Variants in LIPC observed in about 807,000 individuals in gnomAD.
The protein encoded by LIPC is lipase C, hepatic type.
Under a neutral mutation model 50.7 loss-of-function variants are expected in LIPC, and 44 were observed. The observed-to-expected ratio is 0.87, with a 90% CI of 0.68 to 1.11. The LOEUF (loss-of-function observed/expected upper bound fraction) is 1.11. Among genes scored for constraint, LIPC ranks in the 50% most tolerant of loss-of-function variants. The pLI, the probability that LIPC is intolerant of heterozygous loss-of-function variation, is 0.00. For synonymous variants in LIPC, 271 were observed against 256.4 expected (o/e 1.06, Z -0.54); for missense variants, 697 against 648.2 (o/e 1.08, Z -0.82).
At chr15:58,443,181 G>A (rs529258384) in intron 1 of LIPC, among the ~76,000 whole-genome samples, 15 of 152,236 alleles carry the variant, frequency 9.9e-5, no homozygotes, top group Admixed American at 7.2e-4. Context: ...CAAAGTGCTG[G>A]GATTACAGGC....
Position 58,545,910 on chromosome 15 carries a change from G to T in LIPC, c.743G>T (p.Gly248Val), listed in dbSNP as rs774643284. ...CACTATGACTTCTATCCCAACGGGG[G>T]CTCCTTCCAGCCTGGCTGCCACTTC... Reference protein sequence around the residue: ...IGHYDFYPNGGSFQPGCHFLE... With the variant: ...IGHYDFYPNGVSFQPGCHFLE... Residue 248 changes from glycine to valine, a missense_variant, in exon 5 of 9, where the codon GGC (glycine) becomes GTC (valine). By Grantham distance (109) the Gly-to-Val change is moderately radical (BLOSUM62 -3). Transcript: ENST00000299022. The T allele has an allele frequency of 5.0e-6, 8 of 1,614,184 alleles. No individual in the cohort carries two copies. The East Asian group carries it at 6.7e-5, about 13-fold the overall frequency.
At chr15:58,560,770 T>C in intron 6 of LIPC, 94 bp from the exon 7 acceptor site, 1 of 701,488 alleles carries the variant, frequency 1.4e-6, no homozygotes, top group Non-Finnish European at 2.6e-6. Context: ...AACTCTTCCC[T>C]CTGCATGTTT....
chr15:58,501,849 G>A (rs535539216), intron 1 of LIPC, among the ~76,000 whole-genome samples: 1 of 152,222 alleles, frequency 6.6e-6, no homozygotes, highest in East Asian at 1.9e-4. Flanking sequence ...TGGAGCCTCT[G>A]CCTCTCCACC....
chr15:58,495,766 T>C (rs1891743155), intron 1 of LIPC, among the ~76,000 whole-genome samples: 1 of 152,214 alleles, frequency 6.6e-6, no homozygotes, highest in Non-Finnish European at 1.5e-5. Context: ...AATGTAAATT[T>C]CTTAATCACA....
chr15:58,490,842 G>T (rs767498665), intron 1 of LIPC, among the ~76,000 whole-genome samples: 14 of 152,118 alleles, frequency 9.2e-5, no homozygotes, highest in Non-Finnish European at 1.9e-4. Context: ...TAGGGAGGAG[G>T]GCAGCACTTG....
At chr15:58,544,395 C>CTTTTTTTTTT in intron 4 of LIPC, among the ~76,000 whole-genome samples, 1 of 128,976 alleles carries the variant, frequency 7.8e-6, no homozygotes, top group South Asian at 2.3e-4. Context: ...TTTTCTCTTT[C>CTTTTTTTTTT]TTTTTTTTTT....
intron 1 of LIPC, among the ~76,000 whole-genome samples, chr15:58,491,095 G>C (rs147923068): frequency 6.6e-6 from 1 of 152,168 alleles, no homozygotes; most frequent in Non-Finnish European, 1.5e-5. Context: ...CAGGTAAAGG[G>C]AGCCTGGTCT....
intron 8 of LIPC, chr15:58,564,064 A>G (rs961644487): frequency 2.6e-6 from 1 of 388,748 alleles, no homozygotes; most frequent in Admixed American, 3.6e-5. Flanking sequence ...CTGCCAGTCC[A>G]AGGTGCTGTG....
At chr15:58,556,708 A>G (rs1044080883) in intron 6 of LIPC, among the ~76,000 whole-genome samples, 21 of 152,198 alleles carry the variant, frequency 1.4e-4, no homozygotes, top group African/African-American at 5.1e-4. Flanking sequence ...TAATGGCTTC[A>G]TAAGAGTAAA....
chr15:58,521,063 T>C (rs1477684142), intron 1 of LIPC, among the ~76,000 whole-genome samples: 2 of 152,116 alleles, frequency 1.3e-5, no homozygotes, highest in African/African-American at 4.8e-5. Context: ...AGCTCATTCC[T>C]AGAGGGCGGA....
At chr15:58,440,503 G>C (rs1302323829) in intron 1 of LIPC, among the ~76,000 whole-genome samples, 2 of 152,176 alleles carry the variant, frequency 1.3e-5, no homozygotes, top group African/African-American at 4.8e-5. Flanking sequence ...CTGTGTACCA[G>C]GCCCCATGGT....
intron 1 of LIPC, among the ~76,000 whole-genome samples, chr15:58,513,179 A>G (rs1206243031): frequency 2.0e-5 from 3 of 152,176 alleles, no homozygotes; most frequent in Non-Finnish European, 4.4e-5. Flanking sequence ...AGCTTAACAG[A>G]TTCAGATTTC....
Position 58,541,954 on chromosome 15 carries a change from T to G in LIPC, c.443T>G (p.Leu148Arg), listed in dbSNP as rs1170630435. Reference protein sequence around the residue: ...RLVGKEVAALLRWLEESVQLS... With the variant: ...RLVGKEVAALRRWLEESVQLS... ...GTGGGCAAGGAGGTCGCGGCTCTTC[T>G]CCGGTGGCTGGAGGTACCGACCTGC... The change falls in exon 3 of 9, where the codon CTC becomes CGC. Residue 148 changes from leucine to arginine, a missense_variant. Transcript: ENST00000299022. 3 of 1,609,638 alleles carry G rather than the reference T, an allele frequency of 1.9e-6. No individual in the cohort carries two copies. The highest frequency in any genetic ancestry group is 2.5e-6 in the Non-Finnish European group (3 of 1,179,294).
chr15:58,496,727 C>T (rs1355255671), intron 1 of LIPC, among the ~76,000 whole-genome samples: 1 of 72,244 alleles, frequency 1.4e-5, no homozygotes, highest in Admixed American at 1.9e-4. Context: ...AGCCCTGCTA[C>T]AGAAGTCTTC....
chr15:58,501,234 C>G lies in LIPC; in HGVS notation c.89-37099C>G, dbSNP rs577177357. ...ATTGCAGTGATTTCCTAACAGGCCC[C>G]CTCGCCTATATACCTAGACTCTTTC... On this transcript the variant is annotated intron_variant, in intron 1 of 8. Coordinates refer to ENST00000299022, the MANE Select transcript of LIPC (RefSeq NM_000236.3). 2.2e-4 allele frequency among the ~76,000 whole-genome samples: 33 copies of G among 152,234 alleles called. 1 individual carries two copies. The South Asian group carries it at 6.4e-3, about 30-fold the overall frequency.
intron 1 of LIPC, among the ~76,000 whole-genome samples, chr15:58,451,067 T>C (rs921319922): frequency 3.0e-4 from 45 of 152,178 alleles, no homozygotes; most frequent in Admixed American, 6.5e-5. Context: ...GAAGGCAGGC[T>C]ACCCTCCCCA....
intron 6 of LIPC, among the ~76,000 whole-genome samples, chr15:58,558,348 G>A (rs1287883415): frequency 1.3e-5 from 2 of 152,152 alleles, no homozygotes; most frequent in African/African-American, 4.8e-5. Context: ...GGGATTACAG[G>A]TGCAAGCCAC....
chr15:58,527,295 C>G (rs770725582), intron 1 of LIPC, among the ~76,000 whole-genome samples: 1 of 152,118 alleles, frequency 6.6e-6, no homozygotes, highest in South Asian at 2.1e-4. Flanking sequence ...GGATAGGAAC[C>G]GCTGTGCTGC....
chr15:58,454,256 G>A (rs1241863314), intron 1 of LIPC: 1 of 152,292 alleles, frequency 6.6e-6, no homozygotes, highest in Non-Finnish European at 1.5e-5. Flanking sequence ...GCTGGCAGGG[G>A]AGAGTTTGGG....
Sources: allele counts gnomAD v4.1 joint callset (sites outside exome capture counted in the v4.1 genomes callset), GRCh38; gene constraint gnomAD v4.1.1; transcripts MANE v1.5; gene names NCBI Gene and HGNC (gene_info 2026-07-23, HGNC 2026-07-21).